CHEK2: variants seen among roughly 807,000 people sequenced by gnomAD.
CHEK2 encodes checkpoint kinase 2.
In CHEK2, 71 loss-of-function variants were observed where a neutral mutation model predicts 69.1. The observed-to-expected ratio is 1.03, with a 90% CI of 0.85 to 1.25. The LOEUF (loss-of-function observed/expected upper bound fraction) is 1.25. Ranked by LOEUF, CHEK2 falls within the 50% of genes most tolerant of loss-of-function variation. The pLI is 0.00. For missense variants in CHEK2, 664 were observed against 649.6 expected, an observed-to-expected ratio of 1.02 and a Z score of -0.24; for synonymous variants, 189 against 226.9, an observed-to-expected ratio of 0.83 and a Z score of 1.50.
At position 28,717,476 on chromosome 22, in the gene CHEK2, G is replaced by A. The variant is rs1414330802; in HGVS notation, c.683+1919C>T. 2.0e-5 allele frequency among the ~76,000 whole-genome samples: 3 copies of A among 152,136 alleles called. No homozygotes were observed. The East Asian group carries it at 5.8e-4, about 29-fold the overall frequency. ...TGGCAAAATGCAGTGGTTCACACCT[G>A]TAATCCCAACATTTTGAGAGGCTGA... is the stretch of plus-strand genomic sequence containing the variant. On this transcript the variant is annotated intron_variant, in intron 5 of 14. Coordinates refer to ENST00000404276, the MANE Select transcript of CHEK2 (RefSeq NM_007194.4).
intron 7 of CHEK2, among the ~76,000 whole-genome samples, chr22:28,704,643 T>C (rs1434745205): frequency 1.3e-5 from 2 of 152,182 alleles, no homozygotes; most frequent in Non-Finnish European, 2.9e-5. Context: ...GGCACACCTA[T>C]TGTTTTTACG....
intron 5 of CHEK2, among the ~76,000 whole-genome samples, chr22:28,712,679 T>C (rs2053446644): frequency 6.6e-6 from 1 of 152,170 alleles, no homozygotes. Flanking sequence ...CCTCCAAAGC[T>C]TGGGTCAGCC....
chr22:28,688,036 C>T (rs2052193002), intron 14 of CHEK2, 50 bp from the exon 15 acceptor site: 1 of 1,386,546 alleles, frequency 7.2e-7, no homozygotes, highest in East Asian at 2.3e-5. Context: ...TCACTGGCTT[C>T]TTTAAGATTA....
Position 28,734,648 on chromosome 22 carries a change from A to G in CHEK2, c.74T>C (p.Val25Ala), listed in dbSNP as rs587780188. Residue 25 changes from valine (V) to alanine (A), a missense_variant, in exon 2 of 15, where the codon GTT becomes GCT. Val to Ala is a moderately conservative substitution (Grantham distance 64). Coordinates refer to ENST00000404276, the MANE Select transcript of CHEK2 (RefSeq NM_007194.4). ...TGAGGAGGAGCCTTGGGACTGGGTA[A>G]CGCTGCCATGGGGCTGTGAACAGGC... The part of the protein sequence containing the change: ...SSACSQPHGS[V>A]TQSQGSSSQS... 1.8e-5 allele frequency: 29 copies of G among 1,613,876 alleles called. No homozygotes were observed. Among genetic ancestry groups the G allele is most frequent in the Non-Finnish European group, 2.3e-5 (27 of 1,180,034 alleles).
At chr22:28,740,738 C>G (rs2054531503) in intron 1 of CHEK2, among the ~76,000 whole-genome samples, 1 of 152,126 alleles carries the variant, frequency 6.6e-6, no homozygotes, top group African/African-American at 2.4e-5. Flanking sequence ...TAAGTCTGAT[C>G]TTGTGGAAAG....
intron 8 of CHEK2, among the ~76,000 whole-genome samples, chr22:28,700,397 T>C (rs887207708): frequency 2.0e-5 from 3 of 151,880 alleles, no homozygotes; most frequent in African/African-American, 4.8e-5. Context: ...TTTTTTTTAG[T>C]AGAGACAAGG....
chr22:28,716,276 A>G (rs1033084302), intron 5 of CHEK2, among the ~76,000 whole-genome samples: 3 of 150,158 alleles, frequency 2.0e-5, no homozygotes, highest in Admixed American at 2.0e-4. Flanking sequence ...AGCTCACTAC[A>G]ACCTCCGCCT....
At chr22:28,709,510 C>T (rs1569137149) in intron 7 of CHEK2, among the ~76,000 whole-genome samples, 1 of 152,160 alleles carries the variant, frequency 6.6e-6, no homozygotes, top group African/African-American at 2.4e-5. Flanking sequence ...CACTCAGTAA[C>T]ATTTTGGGGT....
chr22:28,698,097 A>T (rs1002297880), intron 9 of CHEK2, among the ~76,000 whole-genome samples: 4 of 151,382 alleles, frequency 2.6e-5, no homozygotes, highest in African/African-American at 4.8e-5. Context: ...TTTTTTTTTT[A>T]AAAAGGCTTG....
intron 5 of CHEK2, among the ~76,000 whole-genome samples, chr22:28,715,430 AT>A (rs910850717): frequency 2.7e-5 from 4 of 150,488 alleles, no homozygotes; most frequent in African/African-American, 9.8e-5. Flanking sequence ...TTAATATTTT[AT>A]TTTTTTGAGA....
chr22:28,715,815 T>C (rs1407415980), intron 5 of CHEK2, among the ~76,000 whole-genome samples: 1 of 152,218 alleles, frequency 6.6e-6, no homozygotes, highest in Non-Finnish European at 1.5e-5. Flanking sequence ...AGAGAATTCA[T>C]ATTAAATCTT....
At chr22:28,697,210 AC>A (rs1292809656) in intron 9 of CHEK2, among the ~76,000 whole-genome samples, 1 of 152,148 alleles carries the variant, frequency 6.6e-6, no homozygotes, top group African/African-American at 2.4e-5. Context: ...AGAACAATTA[AC>A]CTTTCATTTC....
rs986132746 is a variant in CHEK2 at position 28,703,557 on chromosome 22, T to C, written c.856A>G (p.Ile286Val). ...ILKKLNHPCI[I>V]KIKNFFDAED... ...GCATCAAAAAAGTTTTTAATCTTGA[T>C]GATGCAAGGCTAAGAAGAGGGGGAG... Residue 286 changes from isoleucine to valine, a missense_variant, in exon 8 of 15, where the codon ATC becomes GTC. Transcript: ENST00000404276. The C allele has an allele frequency of 6.4e-7, 1 of 1,560,500 alleles. No individual in the cohort carries two copies. Among genetic ancestry groups the C allele is most frequent in the Middle Eastern group, 1.7e-4 (1 of 5,988 alleles).
intron 10 of CHEK2, 104 bp from the exon 11 acceptor site, chr22:28,695,977 T>C (rs1349444107): frequency 4.6e-6 from 4 of 873,518 alleles, no homozygotes; most frequent in East Asian, 2.6e-5. Flanking sequence ...TCAGTTTCTA[T>C]TGTACAATTC....
intron 9 of CHEK2, among the ~76,000 whole-genome samples, chr22:28,698,993 C>T (rs951442693): frequency 1.2e-4 from 19 of 152,150 alleles, no homozygotes; most frequent in South Asian, 2.1e-4. Context: ...TAAAGATAGG[C>T]GACATAGGGC....
chr22:28,697,883 T>C (rs1382181646), intron 9 of CHEK2, among the ~76,000 whole-genome samples: 1 of 151,988 alleles, frequency 6.6e-6, no homozygotes, highest in Non-Finnish European at 1.5e-5. Context: ...GCCATATTTT[T>C]TTAGGAAACA....
At chr22:28,701,935 G>A (rs2052868000) in intron 8 of CHEK2, among the ~76,000 whole-genome samples, 1 of 149,246 alleles carries the variant, frequency 6.7e-6, no homozygotes, top group African/African-American at 2.5e-5. Context: ...TATAATCTAT[G>A]TATATCATCC....
At chr22:28,706,834 T>C (rs1470607913) in intron 7 of CHEK2, among the ~76,000 whole-genome samples, 1 of 151,702 alleles carries the variant, frequency 6.6e-6, no homozygotes, top group Non-Finnish European at 1.5e-5. Context: ...CAGAATCACT[T>C]GAACCCTGGA....
At chr22:28,702,187 G>C (rs1403079509) in intron 8 of CHEK2, among the ~76,000 whole-genome samples, 1 of 133,072 alleles carries the variant, frequency 7.5e-6, no homozygotes, top group Non-Finnish European at 1.6e-5. Flanking sequence ...TACAGATGGG[G>C]TTTCACCATA....
Sources: gnomAD v4.1 joint callset for allele counts (sites outside exome capture counted in the v4.1 genomes callset) on GRCh38, gnomAD v4.1.1 for gene constraint, MANE v1.5 for transcripts, NCBI Gene and HGNC (gene_info 2026-07-23, HGNC 2026-07-21) for gene names.